The following CD44 variants were observed in gnomAD, a reference collection of about 807,000 sequenced individuals.
CD44 encodes the protein CD44 antigen.
In CD44, 49 loss-of-function variants were observed where a neutral mutation model predicts 88.8. The observed-to-expected ratio is 0.55, with a 90% CI of 0.44 to 0.70. The LOEUF (loss-of-function observed/expected upper bound fraction) is 0.70, where lower values mean the gene tolerates loss of function less well. CD44 is among the 30% of genes least tolerant of loss of function. The probability of loss-of-function intolerance (pLI) is 0.00; values close to 1 mark genes in which losing one functional copy is unlikely to be tolerated. For synonymous variants in CD44, 325 were observed against 312.3 expected, an observed-to-expected ratio of 1.04 and a Z score of -0.43; for missense variants, 883 against 913.8, an observed-to-expected ratio of 0.97 and a Z score of 0.43.
chr11:35,174,196 C>T (rs1944208028), intron 1 of CD44, among the ~76,000 whole-genome samples: 1 of 152,194 alleles, frequency 6.6e-6, no homozygotes, highest in Non-Finnish European at 1.5e-5. Context: ...GAGGTACTCA[C>T]TCACTTCCTT....
At chr11:35,152,475 T>C (rs112350380) in intron 1 of CD44, among the ~76,000 whole-genome samples, 2 of 152,234 alleles carry the variant, frequency 1.3e-5, no homozygotes, top group African/African-American at 4.8e-5. Context: ...GCTTTATCTG[T>C]CTAATGGTTC....
At chr11:35,167,368 AG>A (rs1358653084) in intron 1 of CD44, among the ~76,000 whole-genome samples, 1 of 152,194 alleles carries the variant, frequency 6.6e-6, no homozygotes, top group Non-Finnish European at 1.5e-5. Flanking sequence ...GTGTCACAAG[AG>A]AAATTGGTTA....
chr11:35,153,103 G>A (rs1941393092), intron 1 of CD44, among the ~76,000 whole-genome samples: 1 of 152,214 alleles, frequency 6.6e-6, no homozygotes, highest in African/African-American at 2.4e-5. Flanking sequence ...GAAGCCTCAA[G>A]GGCTGCAAGT....
intron 10 of CD44, among the ~76,000 whole-genome samples, chr11:35,205,303 G>T (rs16927093): frequency 2.6e-5 from 4 of 152,282 alleles, no homozygotes; most frequent in African/African-American, 9.6e-5. Flanking sequence ...ATTAAAATGT[G>T]TCCTGCCTTA....
chr11:35,192,513 G>A (rs932732286), intron 5 of CD44, among the ~76,000 whole-genome samples: 1 of 152,200 alleles, frequency 6.6e-6, no homozygotes, highest in African/African-American at 2.4e-5. Flanking sequence ...GGGTCAAGAG[G>A]AGTGCTGGCT....
intron 1 of CD44, among the ~76,000 whole-genome samples, chr11:35,148,377 G>A (rs1003241703): frequency 6.6e-6 from 1 of 152,218 alleles, no homozygotes; most frequent in Non-Finnish European, 1.5e-5. Context: ...CCTGCAAGAG[G>A]GGGAGGGGAA....
chr11:35,227,764 CA>C (rs1407920002), intron 17 of CD44, among the ~76,000 whole-genome samples: 1 of 152,220 alleles, frequency 6.6e-6, no homozygotes, highest in Non-Finnish European at 1.5e-5. Context: ...GCAAAGTGAA[CA>C]ATTCTGACTT....
intron 5 of CD44, among the ~76,000 whole-genome samples, chr11:35,194,797 T>C (rs1209942441): frequency 6.6e-6 from 1 of 152,254 alleles, no homozygotes; most frequent in Non-Finnish European, 1.5e-5. Flanking sequence ...GGAAAAACTA[T>C]GAATCAATAG....
chr11:35,211,161 C>T, intron 13 of CD44, 85 bp from the exon 14 acceptor site: 1 of 998,414 alleles, frequency 1.0e-6, no homozygotes, highest in Non-Finnish European at 1.6e-6. Context: ...AAAGCTTTTG[C>T]AGCAATTGTG....
At chr11:35,147,234 T>G (rs1046104586) in intron 1 of CD44, among the ~76,000 whole-genome samples, 11 of 152,206 alleles carry the variant, frequency 7.2e-5, no homozygotes, top group Non-Finnish European at 1.3e-4. Context: ...GCCCTCACCT[T>G]ACAGGCCCTT....
rs780950874 is a variant in CD44 at position 35,206,207 on chromosome 11, C to G, written c.1378C>G (p.Pro460Ala). The G allele has an allele frequency of 5.0e-6, 8 of 1,611,420 alleles. No homozygotes were observed. In the South Asian group the frequency reaches 7.7e-5, roughly 16 times the overall value. ...WTDFFNPISH[P>A]MGRGHQAGRR... ...TGATTTCTTCAACCCAATCTCACAC[C>G]CCATGGGACGAGGTCATCAAGCAGG... is the stretch of plus-strand genomic sequence containing the variant. Residue 460 changes from proline to alanine, a missense_variant, in exon 11 of 18, where the codon CCC becomes GCC. By Grantham distance (27) the Pro-to-Ala change is conservative. Coordinates refer to ENST00000428726, the MANE Select transcript of CD44 (RefSeq NM_000610.4).
At chr11:35,215,813 A>T (rs1591310066) in intron 15 of CD44, among the ~76,000 whole-genome samples, 1 of 151,844 alleles carries the variant, frequency 6.6e-6, no homozygotes, top group Admixed American at 6.6e-5. Context: ...CAGAGTTTGC[A>T]GTGAGCCAAG....
Position 35,219,358 on chromosome 11 carries a change from C to G in CD44, c.1916C>G (p.Ser639Cys). The G allele has an allele frequency of 6.2e-7, 1 of 1,613,930 alleles. No individual in the cohort carries two copies. The highest frequency in any genetic ancestry group is 8.5e-7 in the Non-Finnish European group (1 of 1,179,892). ...GSQEGGANTT[S>C]GPIRTPQIPE... ...CAAGAAGGTGGAGCAAACACAACCT[C>G]TGGTCCTATAAGGACACCCCAAATT... Residue 639 changes from serine to cysteine, a missense_variant, in exon 16 of 18, where the codon TCT (serine) becomes TGT (cysteine). This residue lies in a region of CD44 where 631 missense variants were observed against 590.9 expected (regional missense o/e 1.07). Transcript: ENST00000428726.
chr11:35,219,481 C>T, intron 16 of CD44, 94 bp downstream of exon 16: 1 of 833,982 alleles, frequency 1.2e-6, no homozygotes, highest in African/African-American at 1.7e-5. Flanking sequence ...AAAGCACATT[C>T]TCCACAATGC....
At chr11:35,184,459 T>G (rs1407183246) in intron 3 of CD44, among the ~76,000 whole-genome samples, 1 of 152,192 alleles carries the variant, frequency 6.6e-6, no homozygotes, top group African/African-American at 2.4e-5. Flanking sequence ...GTTCCAGGTA[T>G]GCACAACATA....
At chr11:35,185,698 T>C (rs1362291781) in intron 3 of CD44, among the ~76,000 whole-genome samples, 1 of 152,230 alleles carries the variant, frequency 6.6e-6, no homozygotes, top group Non-Finnish European at 1.5e-5. Context: ...AATTTAAGTA[T>C]GCACACACAC....
intron 1 of CD44, among the ~76,000 whole-genome samples, chr11:35,149,071 G>T (rs1361003521): frequency 1.3e-5 from 2 of 152,118 alleles, no homozygotes; most frequent in African/African-American, 4.8e-5. Context: ...AGTAGAACGG[G>T]GATCTGGATT....
rs766205344 is a variant in CD44, at chr11:35,180,379, G to A, written c.339G>A (p.Gln113=). Residue 113 remains glutamine (Q), a synonymous_variant, in exon 3 of 18, where the codon CAG becomes CAA. Transcript: ENST00000428726. ...ACATCCTCACATCCAACACCTCCCA[G>A]TATGACACATATTGCTTCAATGCTT... is the stretch of plus-strand genomic sequence containing the variant. The part of the protein sequence containing the change: ...GVYILTSNTS[Q]YDTYCFNASA... 6.2e-7 allele frequency: 1 copy of A among 1,614,096 alleles called. No homozygotes were observed. The highest frequency in any genetic ancestry group is 1.1e-5 in the South Asian group (1 of 91,072).
At chr11:35,153,259 T>C (rs372486064) in intron 1 of CD44, among the ~76,000 whole-genome samples, 2 of 152,280 alleles carry the variant, frequency 1.3e-5, no homozygotes, top group South Asian at 2.1e-4. Context: ...ACAAGAAGAC[T>C]TGGAGTACAA....
Sources: allele counts gnomAD v4.1 joint callset (sites outside exome capture counted in the v4.1 genomes callset), GRCh38; gene constraint gnomAD v4.1.1; regional missense constraint gnomAD v4.1.1; transcripts MANE v1.5; gene names NCBI Gene and HGNC (gene_info 2026-07-23, HGNC 2026-07-21).